Variants in SEMA6A observed in about 807,000 individuals in gnomAD.
The protein encoded by SEMA6A is semaphorin-6A.
SEMA6A carries 25 observed loss-of-function variants against 96.8 expected under a neutral mutation model. The ratio of observed to expected loss-of-function variants is 0.26; its 90% CI spans 0.19 to 0.36. The LOEUF (loss-of-function observed/expected upper bound fraction) is 0.36, where lower values mean the gene tolerates loss of function less well. Ranked by LOEUF, SEMA6A falls within the 10% of genes least tolerant of loss-of-function variation. The pLI is 1.00. For synonymous variants in SEMA6A, 612 were observed against 518.0 expected, an observed-to-expected ratio of 1.18 and a Z score of -2.46; for missense variants, 1,363 against 1,323.1, an observed-to-expected ratio of 1.03 and a Z score of -0.47.
rs763110008 is a variant in SEMA6A at position 116,486,858 on chromosome 5, C to G, written c.853G>C (p.Val285Leu). 6.2e-7 allele frequency: 1 copy of G among 1,613,836 alleles called. No homozygotes were observed. The highest frequency in any genetic ancestry group is 1.1e-5 in the South Asian group (1 of 91,072). ...SFLKARLNCS[V>L]PGDSHFYFNI... The stretch of plus-strand genomic sequence containing the variant: ...AAATAAAAATGAGAGTCTCCAGGAA[C>G]TGAGCAGTTCAAGCGCGCCTTCAGG... Residue 285 changes from valine (V) to leucine (L), a missense_variant, in exon 10 of 19, where the codon GTT becomes CTT. Transcript: ENST00000343348.
intron 18 of SEMA6A, among the ~76,000 whole-genome samples, chr5:116,461,782 G>A (rs1344011099): frequency 6.6e-6 from 1 of 152,138 alleles, no homozygotes; most frequent in African/African-American, 2.4e-5. Flanking sequence ...GCCTTTTGGT[G>A]TGCTTTTGTG....
chr5:116,505,878 G>GA (rs11290509), intron 1 of SEMA6A, among the ~76,000 whole-genome samples: 3 of 144,970 alleles, frequency 2.1e-5, no homozygotes, highest in African/African-American at 5.1e-5. Flanking sequence ...TGGATACAGT[G>GA]AAAAAAAAAA....
intron 10 of SEMA6A, 142 bp from the exon 11 acceptor site, chr5:116,482,717 A>AGT (rs1756848536): frequency 2.8e-6 from 2 of 727,066 alleles, no homozygotes; most frequent in South Asian, 5.0e-5. Context: ...AAGGGATCTT[A>AGT]GTACACAAAG....
At chr5:116,513,801 C>T (rs2112797805) in intron 1 of SEMA6A, among the ~76,000 whole-genome samples, 1 of 152,084 alleles carries the variant, frequency 6.6e-6, no homozygotes, top group Non-Finnish European at 1.5e-5. Flanking sequence ...CTCTGACAGG[C>T]CTGAGTGTGT....
intron 1 of SEMA6A, among the ~76,000 whole-genome samples, chr5:116,510,461 A>G (rs1400528845): frequency 2.0e-5 from 3 of 152,182 alleles, no homozygotes; most frequent in African/African-American, 7.2e-5. Flanking sequence ...CCCCCTTACT[A>G]GCTGGGACCT....
At position 116,478,538 on chromosome 5, in the gene SEMA6A, T is replaced by G. The variant is rs769651343; in HGVS notation, c.1427+4A>C. The G allele has an allele frequency of 6.2e-7, 1 of 1,602,708 alleles. No homozygotes were observed. The highest frequency in any genetic ancestry group is 8.5e-7 in the Non-Finnish European group (1 of 1,174,758). On this transcript the variant is annotated splice_donor_region_variant and intron_variant, in intron 13 of 18. Coordinates refer to ENST00000343348, the MANE Select transcript of SEMA6A (RefSeq NM_020796.5). ...ACTAAGAAAGAACCAAATATTCCACTTACTTTTCAGAGTTGTAAACACTCA... is the reference window on the plus strand; with the variant it reads ...ACTAAGAAAGAACCAAATATTCCACGTACTTTTCAGAGTTGTAAACACTCA...
Position 116,478,034 on chromosome 5 carries a change from T to A in SEMA6A, c.1548A>T (p.Glu516Asp), listed in dbSNP as rs1756551011. ...CATACTTTTTACACTTCCCATGTCG[T>A]TCACACCGGCCAAGGGGAACCTTTA... ...CVIKVPLGRC[E>D]RHGKCKKTCI... The change falls in exon 14 of 19, where the codon GAA (glutamate) becomes GAT (aspartate). Residue 516 changes from glutamate to aspartate, a missense_variant. This residue lies in a region of SEMA6A where 883 missense variants were observed against 763.6 expected (regional missense o/e 1.16). Coordinates refer to ENST00000343348, the MANE Select transcript of SEMA6A (RefSeq NM_020796.5). 8.1e-6 allele frequency: 13 copies of A among 1,613,950 alleles called. No individual in the cohort carries two copies. The highest frequency in any genetic ancestry group is 1.0e-5 in the Non-Finnish European group (12 of 1,179,868).
intron 7 of SEMA6A, among the ~76,000 whole-genome samples, chr5:116,490,967 C>CTGTT (rs1312501733): frequency 6.6e-6 from 1 of 152,160 alleles, no homozygotes; most frequent in African/African-American, 2.4e-5. Flanking sequence ...AAATGATGGT[C>CTGTT]TGTTTGCTAT....
chr5:116,516,908 C>G (rs1238349212), intron 1 of SEMA6A, among the ~76,000 whole-genome samples: 1 of 152,158 alleles, frequency 6.6e-6, no homozygotes, highest in Non-Finnish European at 1.5e-5. Flanking sequence ...TGTTCTTTGG[C>G]AGCATCTGGA....
At chr5:116,524,906 TAGCACA>T (rs1759151171) in intron 1 of SEMA6A, among the ~76,000 whole-genome samples, 1 of 151,012 alleles carries the variant, frequency 6.6e-6, no homozygotes, top group Admixed American at 6.6e-5. Flanking sequence ...ATTTTTCTAC[TAGCACA>T]AGTATTTTAG....
chr5:116,522,922 C>T (rs75362335), intron 1 of SEMA6A, among the ~76,000 whole-genome samples: 5,393 of 152,144 alleles, frequency 0.035, 327 homozygotes, highest in African/African-American at 0.12. Context: ...CAGTCATCTT[C>T]GACCATCTCA....
At chr5:116,495,702 C>T (rs938855644) in intron 5 of SEMA6A, 188 bp from the exon 6 acceptor site, 21 of 533,972 alleles carry the variant, frequency 3.9e-5, no homozygotes, top group Non-Finnish European at 7.0e-5. Flanking sequence ...ACTCTTTCAA[C>T]GTAAATAAAA....
chr5:116,570,362 T>A (rs1761164121), intron 1 of SEMA6A, among the ~76,000 whole-genome samples: 1 of 152,128 alleles, frequency 6.6e-6, no homozygotes, highest in African/African-American at 2.4e-5. Flanking sequence ...GTTCCTGATA[T>A]GGGAGGGCCC....
intron 10 of SEMA6A, among the ~76,000 whole-genome samples, chr5:116,484,275 T>G (rs1756932313): frequency 6.6e-6 from 1 of 152,206 alleles, no homozygotes; most frequent in Non-Finnish European, 1.5e-5. Context: ...TAACTAAAGA[T>G]ATCCTAGGGT....
chr5:116,564,611 C>T (rs1760953446), intron 1 of SEMA6A, among the ~76,000 whole-genome samples: 2 of 152,188 alleles, frequency 1.3e-5, no homozygotes, highest in Non-Finnish European at 2.9e-5. Flanking sequence ...GTATCACCCT[C>T]TTACAGCAAT....
chr5:116,477,985 T>C, intron 14 of SEMA6A, 29 bp downstream of exon 14: 1 of 1,613,970 alleles, frequency 6.2e-7, no homozygotes, highest in Non-Finnish European at 8.5e-7. Flanking sequence ...CCATGGACTT[T>C]CTAATTGTCA....
intron 17 of SEMA6A, among the ~76,000 whole-genome samples, chr5:116,470,732 T>C (rs549003953): frequency 9.2e-5 from 14 of 152,304 alleles, no homozygotes; most frequent in African/African-American, 3.1e-4. Context: ...AAATGATCCC[T>C]TTTCCTGGGT....
intron 10 of SEMA6A, among the ~76,000 whole-genome samples, chr5:116,485,317 T>C (rs898087984): frequency 1.3e-5 from 2 of 152,120 alleles, no homozygotes; most frequent in Admixed American, 6.5e-5. Context: ...ACTAGAAAAC[T>C]AGAACTGGTC....
chr5:116,521,405 G>A (rs1310324913), intron 1 of SEMA6A, among the ~76,000 whole-genome samples: 1 of 152,186 alleles, frequency 6.6e-6, no homozygotes, highest in Non-Finnish European at 1.5e-5. Flanking sequence ...CTGGAGAGAA[G>A]ACATACAGAT....
Sources: gnomAD v4.1 joint callset for allele counts (sites outside exome capture counted in the v4.1 genomes callset) on GRCh38, gnomAD v4.1.1 for gene constraint, gnomAD v4.1.1 regional missense constraint, MANE v1.5 for transcripts, NCBI Gene and HGNC (gene_info 2026-07-23, HGNC 2026-07-21) for gene names.